Variants in KCNN3 observed in about 807,000 individuals in gnomAD.
KCNN3 encodes potassium calcium-activated channel subfamily N member 3, also known as small conductance calcium-activated potassium channel protein 3.
KCNN3 carries 16 observed loss-of-function variants against 62.9 expected under a neutral mutation model. The ratio of observed to expected loss-of-function variants is 0.25; its 90% CI spans 0.17 to 0.39. The LOEUF (loss-of-function observed/expected upper bound fraction) is 0.39. Ranked by LOEUF, KCNN3 falls within the 10% of genes least tolerant of loss-of-function variation. The pLI, the probability that KCNN3 is intolerant of heterozygous loss-of-function variation, is 1.00. For synonymous variants in KCNN3, 370 were observed against 389.2 expected, an observed-to-expected ratio of 0.95 and a Z score of 0.58; for missense variants, 599 against 949.4, an observed-to-expected ratio of 0.63 and a Z score of 4.85.
intron 2 of KCNN3, among the ~76,000 whole-genome samples, chr1:154,803,675 A>G (rs769826696): frequency 2.0e-5 from 3 of 152,234 alleles, no homozygotes; most frequent in Non-Finnish European, 2.9e-5. Flanking sequence ...AATGGGAAAC[A>G]TGCCAGGGTG....
At chr1:154,804,055 C>T (rs990900264) in intron 2 of KCNN3, among the ~76,000 whole-genome samples, 2 of 152,202 alleles carry the variant, frequency 1.3e-5, no homozygotes, top group African/African-American at 4.8e-5. Context: ...ATGACACGTC[C>T]TCCTTTACCA....
chr1:154,766,875 G>T (rs181429956), intron 3 of KCNN3, among the ~76,000 whole-genome samples: 72 of 152,068 alleles, frequency 4.7e-4, no homozygotes, highest in African/African-American at 1.7e-3. Flanking sequence ...AGAGACGGGG[G>T]TTTCACCGTG....
At chr1:154,742,286 C>T (rs11264254) in intron 3 of KCNN3, among the ~76,000 whole-genome samples, 52,536 of 152,120 alleles carry the variant, frequency 0.35, 9,790 homozygotes, top group East Asian at 0.58. Flanking sequence ...CACGTGGCAT[C>T]AGCACCATCC....
Position 154,710,433 on chromosome 1 carries a change from C to A in KCNN3, c.1900-2161G>T, listed in dbSNP as rs558061470. 1.1e-4 allele frequency among the ~76,000 whole-genome samples: 16 copies of A among 152,332 alleles called. No individual in the cohort carries two copies. The South Asian group carries it at 3.3e-3, about 32-fold the overall frequency. ...CGAATGTCAGAGTTCATCTCCTCCC[C>A]AGATCTCCCCACGGGGGTTCTGCAG... On this transcript the variant is annotated intron_variant, in intron 7 of 7. Coordinates refer to ENST00000271915, the MANE Select transcript of KCNN3 (RefSeq NM_002249.6).
At chr1:154,786,363 A>G (rs1329976840) in intron 2 of KCNN3, among the ~76,000 whole-genome samples, 1 of 152,248 alleles carries the variant, frequency 6.6e-6, no homozygotes. Flanking sequence ...AGAACTGCTT[A>G]TTATAATTTT....
chr1:154,745,266 T>C (rs1239099316), intron 3 of KCNN3, among the ~76,000 whole-genome samples: 2 of 152,216 alleles, frequency 1.3e-5, no homozygotes, highest in Non-Finnish European at 2.9e-5. Flanking sequence ...CCAGTTATTT[T>C]TAAAAGGAGA....
chr1:154,728,521 T>C (rs897703945), intron 4 of KCNN3, among the ~76,000 whole-genome samples: 1 of 151,578 alleles, frequency 6.6e-6, no homozygotes, highest in Non-Finnish European at 1.5e-5. Flanking sequence ...CTTCATAAAG[T>C]GGTGGAGGAA....
In KCNN3 at chr1:154,733,033, C is replaced by T; in HGVS notation, c.1560G>A (p.Gly520=). Reference sequence around the variant, plus strand: ...TGCCAGTGAGGAGACAGACACCTTTCCCACAGTATGTGTGGGGCACCATGT... The same window carrying T: ...TGCCAGTGAGGAGACAGACACCTTTTCCACAGTATGTGTGGGGCACCATGT... ...YGDMVPHTYC[G]KGVCLLTGIM... Residue 520 remains glycine, a synonymous_variant, in exon 4 of 8, where the codon GGG becomes GGA. Transcript: ENST00000271915. 1.2e-6 allele frequency: 2 copies of T among 1,614,044 alleles called. No homozygotes were observed. The highest frequency in any genetic ancestry group is 2.2e-5 in the South Asian group (2 of 91,068).
intron 5 of KCNN3, among the ~76,000 whole-genome samples, chr1:154,721,554 G>A (rs1157926051): frequency 6.6e-6 from 1 of 152,098 alleles, no homozygotes; most frequent in Non-Finnish European, 1.5e-5. Flanking sequence ...GCCCACGTCG[G>A]CCTCGCAAAG....
Position 154,707,953 on chromosome 1 carries a change from G to T in KCNN3, c.*23C>A. On this transcript the variant is annotated 3_prime_UTR_variant, in exon 8 of 8. Coordinates refer to ENST00000271915, the MANE Select transcript of KCNN3 (RefSeq NM_002249.6). ...TTGCATCTTAAGACCTATGGGTAAT[G>T]CTTCTGGAGTGGGGAGATTTATTTA... 1 of 1,610,660 alleles carries T rather than the reference G, an allele frequency of 6.2e-7. No homozygotes were observed. Among genetic ancestry groups the T allele is most frequent in the Non-Finnish European group, 8.5e-7 (1 of 1,177,866 alleles).
At chr1:154,841,181 C>G (rs959393255) in intron 1 of KCNN3, among the ~76,000 whole-genome samples, 1 of 152,338 alleles carries the variant, frequency 6.6e-6, no homozygotes, top group South Asian at 2.1e-4. Flanking sequence ...GGCAAACCCA[C>G]TGTGGTATAA....
intron 3 of KCNN3, among the ~76,000 whole-genome samples, chr1:154,755,590 AGGG>A (rs1647626158): frequency 1.4e-5 from 1 of 73,822 alleles, no homozygotes; most frequent in African/African-American, 7.1e-5. Context: ...GAAAGAAAGA[AGGG>A]AGGGAGGGAG....
chr1:154,861,882 G>A (rs1025027735), intron 1 of KCNN3, among the ~76,000 whole-genome samples: 5 of 152,220 alleles, frequency 3.3e-5, no homozygotes, highest in Non-Finnish European at 5.9e-5. Context: ...GGCCCAGAGA[G>A]GGGAAGGGAC....
chr1:154,717,716 C>T (rs1006152227), intron 5 of KCNN3, among the ~76,000 whole-genome samples: 1 of 152,130 alleles, frequency 6.6e-6, no homozygotes, highest in Admixed American at 6.5e-5. Flanking sequence ...TGGAGGGAGG[C>T]CTCCGTGCAT....
intron 2 of KCNN3, among the ~76,000 whole-genome samples, chr1:154,784,467 C>T (rs1447892329): frequency 6.6e-6 from 1 of 152,234 alleles, no homozygotes; most frequent in Non-Finnish European, 1.5e-5. Context: ...AGCACTCCCT[C>T]TTCTCAGCTT....
rs1466280971 is a variant in KCNN3 at position 154,704,069 on chromosome 1, T to C, written c.*3907A>G. 1 of 152,238 alleles carries C rather than the reference T, an allele frequency of 6.6e-6. No individual in the cohort carries two copies. Among genetic ancestry groups the C allele is most frequent in the African/African-American group, 2.4e-5 (1 of 41,462 alleles). The allele number at this position is 152,238 out of a possible 1,614,324, so 9.4% of individuals were successfully genotyped here. A position where few individuals can be genotyped will look rare whatever the true frequency, so the allele number is the denominator to read the frequency against. On this transcript the variant is annotated 3_prime_UTR_variant, in exon 8 of 8. Transcript: ENST00000271915. ...AAATTATAAAAATTTAAGGGGGAAA[T>C]CCCCCACTATATTAAAATCATTACT...
chr1:154,783,212 CAAAAAA>C (rs11319743), intron 2 of KCNN3, among the ~76,000 whole-genome samples: 1 of 140,282 alleles, frequency 7.1e-6, no homozygotes, highest in Non-Finnish European at 1.5e-5. Context: ...GACTCCATCT[CAAAAAA>C]AAAAAAAGAA....
At chr1:154,738,750 C>A (rs6682000) in intron 3 of KCNN3, among the ~76,000 whole-genome samples, 65,353 of 152,048 alleles carry the variant, frequency 0.43, 14,702 homozygotes, top group African/African-American at 0.51. Context: ...TTTGCACTTG[C>A]ATTAATGACG....
intron 3 of KCNN3, among the ~76,000 whole-genome samples, chr1:154,739,284 C>T (rs553551914): frequency 6.6e-6 from 1 of 152,270 alleles, no homozygotes; most frequent in East Asian, 1.9e-4. Context: ...CTACATGCAA[C>T]ATTAAATGAC....
Sources: allele counts gnomAD v4.1 joint callset (sites outside exome capture counted in the v4.1 genomes callset), GRCh38; gene constraint gnomAD v4.1.1; transcripts MANE v1.5; gene names NCBI Gene and HGNC (gene_info 2026-07-23, HGNC 2026-07-21).